Variants in TRIP12 observed in about 807,000 individuals in gnomAD.
TRIP12 encodes E3 ubiquitin-protein ligase TRIP12.
In TRIP12, 25 loss-of-function variants were observed where a neutral mutation model predicts 244.2. The ratio of observed to expected loss-of-function variants is 0.10; its 90% CI spans 0.07 to 0.14. The LOEUF (loss-of-function observed/expected upper bound fraction) is 0.14. Ranked by LOEUF, TRIP12 falls within the 10% of genes least tolerant of loss-of-function variation. The pLI is 1.00. For synonymous variants in TRIP12, 905 were observed against 873.1 expected (o/e 1.04, Z -0.64); for missense variants, 1,677 against 2,486.4 (o/e 0.67, Z 6.92).
intron 1 of TRIP12, among the ~76,000 whole-genome samples, chr2:229,888,413 G>A (rs1455694370): frequency 6.6e-6 from 1 of 151,982 alleles, no homozygotes; most frequent in Non-Finnish European, 1.5e-5. Flanking sequence ...ATACGCCCAG[G>A]ATGAAATATT....
intron 18 of TRIP12, among the ~76,000 whole-genome samples, chr2:229,805,380 A>T (rs2045623094): frequency 6.6e-6 from 1 of 152,160 alleles, no homozygotes; most frequent in Admixed American, 6.5e-5. Flanking sequence ...ATCTGTCCTT[A>T]ATTAGTTCAG....
intron 2 of TRIP12, among the ~76,000 whole-genome samples, chr2:229,862,197 AT>A: frequency 6.6e-6 from 1 of 152,008 alleles, no homozygotes; most frequent in African/African-American, 2.4e-5. Flanking sequence ...TTTAATTTTA[AT>A]TTTTCCTAGA....
chr2:229,898,140 C>T (rs1430905306), intron 1 of TRIP12, among the ~76,000 whole-genome samples: 1 of 152,144 alleles, frequency 6.6e-6, no homozygotes, highest in East Asian at 1.9e-4. Context: ...TCCCTAAGGC[C>T]CAGCTGCCTA....
chr2:229,775,979 A>C (rs1411382164), intron 37 of TRIP12, among the ~76,000 whole-genome samples: 3 of 152,080 alleles, frequency 2.0e-5, no homozygotes, highest in Non-Finnish European at 2.9e-5. Context: ...AACAAACAAA[A>C]AAACTACTGA....
intron 1 of TRIP12, among the ~76,000 whole-genome samples, chr2:229,904,295 G>A (rs1000115869): frequency 2.0e-5 from 3 of 150,642 alleles, no homozygotes; most frequent in Non-Finnish European, 4.4e-5. Context: ...GCGTGAGCCT[G>A]TAGTCCCAGC....
chr2:229,849,120 A>G (rs545878321), intron 4 of TRIP12, among the ~76,000 whole-genome samples: 5 of 152,346 alleles, frequency 3.3e-5, no homozygotes, highest in African/African-American at 7.2e-5. Context: ...GATGAAACAA[A>G]TGCATGCAGA....
intron 2 of TRIP12, among the ~76,000 whole-genome samples, chr2:229,874,283 G>T (rs577974677): frequency 6.6e-6 from 1 of 152,058 alleles, no homozygotes; most frequent in Admixed American, 6.5e-5. Context: ...TTTTAAAAAG[G>T]GTATGCTCTA....
intron 2 of TRIP12, among the ~76,000 whole-genome samples, chr2:229,867,792 A>G (rs2061839524): frequency 6.6e-6 from 1 of 152,232 alleles, no homozygotes; most frequent in African/African-American, 2.4e-5. Flanking sequence ...TAGGTTTTCC[A>G]GTATGCTTAT....
chr2:229,825,235 A>G (rs540422212), intron 8 of TRIP12, among the ~76,000 whole-genome samples: 1 of 152,240 alleles, frequency 6.6e-6, no homozygotes, highest in African/African-American at 2.4e-5. Context: ...AGGAGACATA[A>G]CATCAATGAA....
Position 229,792,220 on chromosome 2 carries a change from C to T in TRIP12, c.4148G>A (p.Gly1383Glu), listed in dbSNP as rs1559432359. ...IERYLVVRGY[G>E]RVREDDEDSD... is the part of the protein sequence containing the mutation. ...GTCTTCATCATCTTCTCTTACTCTT[C>T]CATACCCTGAAGACCCAAGTAGACT... is the stretch of plus-strand genomic sequence containing the variant. Residue 1383 changes from glycine to glutamate, a missense_variant, in exon 28 of 42, where the codon GGA (glycine) becomes GAA (glutamate). Transcript: ENST00000675903. The T allele has an allele frequency of 6.2e-7, 1 of 1,613,854 alleles. No homozygotes were observed. Among genetic ancestry groups the T allele is most frequent in the Non-Finnish European group, 8.5e-7 (1 of 1,179,934 alleles).
At position 229,793,159 on chromosome 2, in the gene TRIP12, G is replaced by T. The variant is rs1186631627; in HGVS notation, c.3969-14C>A. Reference sequence around the variant, plus strand: ...TTGAGAGAAAAGCTCAAGATAATTTGTGAAAAAAAAGTTAGTCTATTATTT... The same window carrying T: ...TTGAGAGAAAAGCTCAAGATAATTTTTGAAAAAAAAGTTAGTCTATTATTT... On this transcript the variant is annotated splice_polypyrimidine_tract_variant and intron_variant, in intron 26 of 41. Coordinates refer to ENST00000675903, the MANE Select transcript of TRIP12 (RefSeq NM_001348323.3). 1 of 1,592,226 alleles carries T rather than the reference G, an allele frequency of 6.3e-7. No homozygotes were observed. Among genetic ancestry groups the T allele is most frequent in the Non-Finnish European group, 8.5e-7 (1 of 1,171,996 alleles).
chr2:229,801,415 C>T (rs2044309581), intron 21 of TRIP12, among the ~76,000 whole-genome samples: 1 of 152,148 alleles, frequency 6.6e-6, no homozygotes, highest in Non-Finnish European at 1.5e-5. Flanking sequence ...GACAATGCTA[C>T]CCTGCAGATT....
intron 1 of TRIP12, among the ~76,000 whole-genome samples, chr2:229,898,615 A>T (rs1387103348): frequency 1.3e-5 from 2 of 148,306 alleles, no homozygotes; most frequent in Non-Finnish European, 2.9e-5. Context: ...ATACAGTAAT[A>T]AAAAAATCAA....
At chr2:229,849,335 T>C (rs1008304686) in intron 4 of TRIP12, among the ~76,000 whole-genome samples, 1 of 152,166 alleles carries the variant, frequency 6.6e-6, no homozygotes, top group Admixed American at 6.5e-5. Flanking sequence ...TGATCATCAC[T>C]GGGAAGACAG....
chr2:229,921,684 AC>A (rs911718885), intron 1 of TRIP12, 195 bp downstream of exon 1: 1,762 of 149,702 alleles, frequency 0.012, 14 homozygotes, highest in Non-Finnish European at 0.016. Flanking sequence ...TCTCCCGTCC[AC>A]CCCCGGCCCG....
chr2:229,886,613 T>C (rs1448178896), intron 1 of TRIP12, among the ~76,000 whole-genome samples: 2 of 152,056 alleles, frequency 1.3e-5, no homozygotes, highest in African/African-American at 4.8e-5. Context: ...ACTACAGTCG[T>C]GCAACACCAT....
At chr2:229,861,406 G>A (rs186244481) in intron 2 of TRIP12, among the ~76,000 whole-genome samples, 3 of 152,178 alleles carry the variant, frequency 2.0e-5, no homozygotes, top group South Asian at 2.1e-4. Context: ...GCTGCCATTC[G>A]GGTGAGATAT....
chr2:229,805,184 C>A (rs1210568553), intron 18 of TRIP12, among the ~76,000 whole-genome samples: 1 of 150,208 alleles, frequency 6.7e-6, no homozygotes, highest in South Asian at 2.1e-4. Flanking sequence ...GGATTACAGG[C>A]GTGAGACACC....
chr2:229,804,288 AAAC>A (rs1320587703), intron 18 of TRIP12, 61 bp from the exon 19 acceptor site: 3 of 1,381,518 alleles, frequency 2.2e-6, no homozygotes, highest in East Asian at 4.6e-5. Context: ...GAAACACAAT[AAAC>A]AATATAAAAT....
Sources: allele counts gnomAD v4.1 joint callset (sites outside exome capture counted in the v4.1 genomes callset), GRCh38; gene constraint gnomAD v4.1.1; transcripts MANE v1.5; gene names NCBI Gene and HGNC (gene_info 2026-07-23, HGNC 2026-07-21).